NLGN1: variants seen among roughly 807,000 people sequenced by gnomAD.
NLGN1 encodes neuroligin-1.
NLGN1 carries 12 observed loss-of-function variants against 65.5 expected under a neutral mutation model. The ratio of observed to expected loss-of-function variants is 0.18; its 90% CI spans 0.12 to 0.30. NLGN1 has a LOEUF of 0.30. Among genes scored for constraint, NLGN1 ranks in the 10% least tolerant of loss-of-function variants. The pLI, the probability that NLGN1 is intolerant of heterozygous loss-of-function variation, is 1.00. For synonymous variants in NLGN1, 350 were observed against 359.5 expected (o/e 0.97, Z 0.30); for missense variants, 750 against 1,007.1 (o/e 0.74, Z 3.46).
chr3:173,406,866 CCTGCTTT>C (rs1718803966), intron 1 of NLGN1, among the ~76,000 whole-genome samples: 1 of 152,056 alleles, frequency 6.6e-6, no homozygotes, highest in African/African-American at 2.4e-5. Flanking sequence ...TTCTCACCTA[CCTGCTTT>C]GCTTAAAAAG....
At chr3:174,294,199 T>C in the NLGN1 span, among the ~76,000 whole-genome samples, 1 of 151,820 alleles carries the variant, frequency 6.6e-6, no homozygotes, top group African/African-American at 2.4e-5. Flanking sequence ...ATTGTATTAA[T>C]TTGCATGTTT....
At chr3:173,792,227 C>T (rs1337297544) in intron 3 of NLGN1, among the ~76,000 whole-genome samples, 2 of 152,086 alleles carry the variant, frequency 1.3e-5, no homozygotes, top group Non-Finnish European at 1.5e-5. Context: ...TGTCAGAGAG[C>T]TCATCCTTCA....
chr3:173,415,943 A>AGAGAGAGAGAGAGAGAGAGCGCGC (rs141095727), intron 1 of NLGN1, among the ~76,000 whole-genome samples: 1 of 142,826 alleles, frequency 7.0e-6, no homozygotes, highest in African/African-American at 2.8e-5. Flanking sequence ...AGAGAGAGAG[A>AGAGAGAGAGAGAGAGAGAGCGCGC]GCTTGGTATA....
At chr3:174,142,076 T>C (rs187526891) in intron 4 of NLGN1, among the ~76,000 whole-genome samples, 38 of 152,320 alleles carry the variant, frequency 2.5e-4, no homozygotes, top group Middle Eastern at 6.8e-3. Flanking sequence ...TTTACTTTTG[T>C]GTTTATCACT....
At chr3:174,197,528 AAAAAAAAAAG>A (rs1014868507) in intron 4 of NLGN1, among the ~76,000 whole-genome samples, 2 of 151,016 alleles carry the variant, frequency 1.3e-5, no homozygotes, top group African/African-American at 4.9e-5. Flanking sequence ...CAAAAAAAAA[AAAAAAAAAAG>A]GAGAATCCAG....
intron 2 of NLGN1, among the ~76,000 whole-genome samples, chr3:173,526,035 G>C (rs1735584142): frequency 6.6e-6 from 1 of 152,002 alleles, no homozygotes; most frequent in Admixed American, 6.6e-5. Flanking sequence ...CTCAATTTTG[G>C]AAAATGTACC....
intron 1 of NLGN1, among the ~76,000 whole-genome samples, chr3:173,429,541 T>C (rs1360060780): frequency 6.6e-6 from 1 of 152,100 alleles, no homozygotes; most frequent in Non-Finnish European, 1.5e-5. Context: ...CCTGTTTGCT[T>C]TTGTTTCTTA....
At chr3:173,568,253 T>C (rs753951371) in intron 2 of NLGN1, among the ~76,000 whole-genome samples, 24 of 151,812 alleles carry the variant, frequency 1.6e-4, no homozygotes, top group African/African-American at 4.8e-4. Flanking sequence ...TTTCCTTTTC[T>C]TTTTTTTCTT....
intron 4 of NLGN1, among the ~76,000 whole-genome samples, chr3:174,125,358 A>G (rs1718708965): frequency 6.6e-6 from 1 of 152,138 alleles, no homozygotes; most frequent in Non-Finnish European, 1.5e-5. Flanking sequence ...TTTAAGAGGA[A>G]GTCATAAAAA....
chr3:174,224,964 A>G (rs1170174520), intron 4 of NLGN1, among the ~76,000 whole-genome samples: 1 of 152,164 alleles, frequency 6.6e-6, no homozygotes, highest in Non-Finnish European at 1.5e-5. Context: ...GTCCAAAGGA[A>G]AACCAAAGTC....
intron 3 of NLGN1, among the ~76,000 whole-genome samples, chr3:173,630,440 T>C (rs1360131706): frequency 6.7e-6 from 1 of 148,430 alleles, no homozygotes; most frequent in Non-Finnish European, 1.5e-5. Context: ...GCTAAGAATT[T>C]AAAAAAAAAA....
intron 4 of NLGN1, among the ~76,000 whole-genome samples, chr3:174,074,449 G>A (rs767427524): frequency 7.4e-4 from 112 of 152,250 alleles, no homozygotes; most frequent in Non-Finnish European, 1.6e-3. Flanking sequence ...GTTCTTTATA[G>A]TAATGACCAA....
At chr3:173,784,466 C>A (rs1363279198) in intron 3 of NLGN1, among the ~76,000 whole-genome samples, 1 of 152,026 alleles carries the variant, frequency 6.6e-6, no homozygotes, top group Non-Finnish European at 1.5e-5. Context: ...GAAGTGGCCA[C>A]ACTGAGATAC....
chr3:173,773,127 A>G (rs1375548373), intron 3 of NLGN1, among the ~76,000 whole-genome samples: 1 of 152,074 alleles, frequency 6.6e-6, no homozygotes, highest in Non-Finnish European at 1.5e-5. Context: ...GCCATAACCC[A>G]CTTCAGTCAA....
intron 4 of NLGN1, among the ~76,000 whole-genome samples, chr3:174,176,195 C>T (rs1369158899): frequency 6.6e-6 from 1 of 151,704 alleles, no homozygotes; most frequent in Non-Finnish European, 1.5e-5. Context: ...ATTTTTAGTG[C>T]AAAATATCAT....
At chr3:173,423,831 C>T (rs2094198937) in intron 1 of NLGN1, among the ~76,000 whole-genome samples, 1 of 152,200 alleles carries the variant, frequency 6.6e-6, no homozygotes, top group Non-Finnish European at 1.5e-5. Flanking sequence ...CCTCTTCTCA[C>T]AGCTCCACTA....
At chr3:174,230,140 C>T (rs1740432977) in intron 4 of NLGN1, among the ~76,000 whole-genome samples, 1 of 152,090 alleles carries the variant, frequency 6.6e-6, no homozygotes, top group African/African-American at 2.4e-5. Context: ...ACATTGAGCA[C>T]TCACTATATG....
chr3:173,616,869 C>G (rs1753179788), intron 3 of NLGN1, among the ~76,000 whole-genome samples: 1 of 152,078 alleles, frequency 6.6e-6, no homozygotes, highest in African/African-American at 2.4e-5. Context: ...TTCTTAATTC[C>G]CCTCAAGGAT....
intron 4 of NLGN1, among the ~76,000 whole-genome samples, chr3:173,994,361 C>T (rs983853020): frequency 2.0e-5 from 3 of 146,804 alleles, no homozygotes; most frequent in East Asian, 2.1e-4. Flanking sequence ...CCTCAAAGTG[C>T]GGGGATAACA....
Sources: gnomAD v4.1 joint callset for allele counts (sites outside exome capture counted in the v4.1 genomes callset) on GRCh38, gnomAD v4.1.1 for gene constraint, MANE v1.5 for transcripts, NCBI Gene and HGNC (gene_info 2026-07-23, HGNC 2026-07-21) for gene names.